Variants in WWOX observed in about 807,000 individuals in gnomAD.
The protein encoded by WWOX is WW domain-containing oxidoreductase.
In WWOX, 69 loss-of-function variants were observed where a neutral mutation model predicts 46.2. That is an observed-to-expected ratio of 1.49 (90% confidence interval 1.23 to 1.82). The LOEUF (loss-of-function observed/expected upper bound fraction) is 1.82, where lower values mean the gene tolerates loss of function less well. Ranked by LOEUF, WWOX falls within the 40% of genes most tolerant of loss-of-function variation. The pLI is 0.00. For missense variants in WWOX, 919 were observed against 542.6 expected (o/e 1.69, Z -6.89); for synonymous variants, 359 against 202.6 (o/e 1.77, Z -6.56).
intron 8 of WWOX, among the ~76,000 whole-genome samples, chr16:78,543,088 C>G (rs955931084): frequency 1.3e-5 from 2 of 152,224 alleles, no homozygotes; most frequent in East Asian, 3.8e-4. Context: ...TCATTTCTTG[C>G]TCATACGACA....
At chr16:78,880,079 C>T (rs1052661988) in intron 8 of WWOX, among the ~76,000 whole-genome samples, 1 of 152,108 alleles carries the variant, frequency 6.6e-6, no homozygotes, top group South Asian at 2.1e-4. Context: ...TTGATGATAC[C>T]GTATGCAACT....
chr16:78,311,794 G>T (rs1047948752), intron 5 of WWOX, among the ~76,000 whole-genome samples: 1 of 152,044 alleles, frequency 6.6e-6, no homozygotes, highest in Admixed American at 6.6e-5. Context: ...GCCTGGCGGG[G>T]GGGTATTCAT....
At chr16:78,895,143 CT>C (rs1372839002) in intron 8 of WWOX, among the ~76,000 whole-genome samples, 2 of 152,186 alleles carry the variant, frequency 1.3e-5, no homozygotes, top group African/African-American at 4.8e-5. Flanking sequence ...GTAATATCCG[CT>C]TTTTCAAACC....
intron 8 of WWOX, among the ~76,000 whole-genome samples, chr16:79,208,231 A>G (rs1015951475): frequency 2.0e-5 from 3 of 152,196 alleles, no homozygotes; most frequent in East Asian, 3.9e-4. Context: ...GGGCATGATT[A>G]AAAAGATTCT....
At chr16:78,814,645 C>T (rs912002579) in intron 8 of WWOX, among the ~76,000 whole-genome samples, 1 of 152,204 alleles carries the variant, frequency 6.6e-6, no homozygotes, top group Non-Finnish European at 1.5e-5. Context: ...TGGAATCATG[C>T]ACCTTAGACC....
intron 8 of WWOX, among the ~76,000 whole-genome samples, chr16:78,794,016 C>T (rs2050675923): frequency 2.0e-5 from 3 of 152,286 alleles, no homozygotes; most frequent in South Asian, 4.1e-4. Context: ...CTTTGGGTTA[C>T]AGCAGGCTAG....
chr16:78,834,311 G>T (rs1028923778), intron 8 of WWOX, among the ~76,000 whole-genome samples: 5 of 152,306 alleles, frequency 3.3e-5, no homozygotes, highest in African/African-American at 1.2e-4. Flanking sequence ...TGAGTCTGCA[G>T]AATATTTAAA....
chr16:78,946,677 T>G (rs562747445), intron 8 of WWOX, among the ~76,000 whole-genome samples: 1 of 152,240 alleles, frequency 6.6e-6, no homozygotes, highest in East Asian at 1.9e-4. Flanking sequence ...TGCAGACATG[T>G]TGCAGGCCTG....
intron 8 of WWOX, among the ~76,000 whole-genome samples, chr16:78,741,059 C>T (rs908880959): frequency 1.3e-5 from 2 of 152,272 alleles, no homozygotes; most frequent in Non-Finnish European, 2.9e-5. Context: ...CCTGTCCAGC[C>T]AGCCACTCGT....
chr16:78,781,242 C>T (rs985436046), intron 8 of WWOX, among the ~76,000 whole-genome samples: 10 of 152,086 alleles, frequency 6.6e-5, no homozygotes, highest in African/African-American at 2.4e-4. Flanking sequence ...TTAATGTCTG[C>T]CTGGAACTGG....
intron 5 of WWOX, among the ~76,000 whole-genome samples, chr16:78,189,899 C>T (rs2035829734): frequency 6.6e-6 from 1 of 152,152 alleles, no homozygotes; most frequent in South Asian, 2.1e-4. Context: ...AAGTGATCCA[C>T]CCACCTCGGC....
At chr16:78,842,322 C>T (rs866801307) in intron 8 of WWOX, among the ~76,000 whole-genome samples, 33 of 143,954 alleles carry the variant, frequency 2.3e-4, no homozygotes, top group Admixed American at 7.0e-4. Context: ...AGGCAGACCC[C>T]ATCTCTAAAA....
At chr16:78,530,416 C>T (rs956197355) in intron 8 of WWOX, among the ~76,000 whole-genome samples, 1 of 152,112 alleles carries the variant, frequency 6.6e-6, no homozygotes, top group Admixed American at 6.5e-5. Context: ...GGAAGATAAG[C>T]TAAAAAGAAG....
intron 8 of WWOX, among the ~76,000 whole-genome samples, chr16:78,877,377 C>T (rs149462123): frequency 4.6e-5 from 7 of 152,094 alleles, no homozygotes; most frequent in South Asian, 2.1e-4. Flanking sequence ...AGGTGTGTTC[C>T]TGTCTCAGAC....
chr16:79,105,077 T>G (rs546171816), intron 8 of WWOX, among the ~76,000 whole-genome samples: 1 of 152,204 alleles, frequency 6.6e-6, no homozygotes, highest in East Asian at 1.9e-4. Flanking sequence ...TATGACAGAC[T>G]GGAACCAGCA....
At chr16:78,857,149 A>T (rs1467823643) in intron 8 of WWOX, among the ~76,000 whole-genome samples, 2 of 152,228 alleles carry the variant, frequency 1.3e-5, no homozygotes, top group Non-Finnish European at 2.9e-5. Flanking sequence ...AATTTATCTC[A>T]CATATGCAAA....
chr16:79,037,592 C>T (rs2047892715), intron 8 of WWOX, among the ~76,000 whole-genome samples: 1 of 152,084 alleles, frequency 6.6e-6, no homozygotes, highest in Non-Finnish European at 1.5e-5. Context: ...ACAACTGCAC[C>T]CTGCTACCTC....
chr16:79,078,853 A>C (rs997321460), intron 8 of WWOX, among the ~76,000 whole-genome samples: 1 of 152,198 alleles, frequency 6.6e-6, no homozygotes, highest in African/African-American at 2.4e-5. Flanking sequence ...GTCCATTTAA[A>C]GTGCTTAAAC....
At chr16:78,446,590 A>G (rs902555569) in intron 8 of WWOX, among the ~76,000 whole-genome samples, 23 of 151,158 alleles carry the variant, frequency 1.5e-4, no homozygotes, top group Non-Finnish European at 4.4e-5. Context: ...TTATTACCTT[A>G]TAAAAATTAC....
Sources: gnomAD v4.1 joint callset for allele counts (sites outside exome capture counted in the v4.1 genomes callset) on GRCh38, gnomAD v4.1.1 for gene constraint, MANE v1.5 for transcripts, NCBI Gene and HGNC (gene_info 2026-07-23, HGNC 2026-07-21) for gene names.